CLSTN2: variants seen among roughly 807,000 people sequenced by gnomAD.
The protein encoded by CLSTN2 is calsyntenin-2.
Under a neutral mutation model 101.2 loss-of-function variants are expected in CLSTN2, and 48 were observed. The ratio of observed to expected loss-of-function variants is 0.47; its 90% CI spans 0.38 to 0.60. The LOEUF is 0.60. Ranked by LOEUF, CLSTN2 falls within the 20% of genes least tolerant of loss-of-function variation. The probability of loss-of-function intolerance (pLI) is 0.00; values close to 1 mark genes in which losing one functional copy is unlikely to be tolerated. For missense variants in CLSTN2, 1,160 were observed against 1,238.2 expected (o/e 0.94, Z 0.95); for synonymous variants, 481 against 463.6 (o/e 1.04, Z -0.48).
intron 1 of CLSTN2, among the ~76,000 whole-genome samples, chr3:139,984,184 CG>C (rs1306865081): frequency 5.9e-5 from 9 of 152,038 alleles, no homozygotes; most frequent in African/African-American, 2.2e-4. Context: ...ACACCCACTG[CG>C]TGGTAACTGA....
In CLSTN2 at chr3:140,038,471, A is replaced by T. The variant is rs973695845; in HGVS notation, c.109+102988A>T. On this transcript the variant is annotated intron_variant, in intron 1 of 16. Transcript: ENST00000458420. The stretch of plus-strand genomic sequence containing the variant: ...CTTGTCAGATGGACAGATTGTAAAA[A>T]TGTTCTTCCATTCTGTAGGTTGTCT... 1.1e-4 allele frequency among the ~76,000 whole-genome samples: 16 copies of T among 152,040 alleles called. 2 individuals are homozygous for T. Among genetic ancestry groups the T allele is most frequent in the Admixed American group, 9.8e-4 (15 of 15,262 alleles).
At position 140,049,898 on chromosome 3, in the gene CLSTN2, T is replaced by G. The variant is rs941660940; in HGVS notation, c.109+114415T>G. Among the ~76,000 whole-genome samples the G allele has an allele frequency of 5.9e-5, 9 of 152,186 alleles. No homozygotes were observed. In the East Asian group the frequency reaches 1.7e-3, roughly 29 times the overall value. On this transcript the variant is annotated intron_variant, in intron 1 of 16. Coordinates refer to ENST00000458420, the MANE Select transcript of CLSTN2 (RefSeq NM_022131.3). Reference sequence around the variant, plus strand: ...CCCTCCAGATCTCTTCTCTACTTTCTCTATTCTGTTTTGGGCCCCAGGATC... The same window carrying G: ...CCCTCCAGATCTCTTCTCTACTTTCGCTATTCTGTTTTGGGCCCCAGGATC...
In CLSTN2 at chr3:140,445,360, G is replaced by A. The variant is rs182355284; in HGVS notation, c.788-3159G>A. The stretch of plus-strand genomic sequence containing the variant: ...TCTAGACGAGAAAGGGATGCCTGCA[G>A]CCTCTGCTGAATAAAGGGAATCAAT... On this transcript the variant is annotated intron_variant, in intron 5 of 16. Coordinates refer to ENST00000458420, the MANE Select transcript of CLSTN2 (RefSeq NM_022131.3). Among the ~76,000 whole-genome samples the A allele has an allele frequency of 1.8e-4, 28 of 152,324 alleles. No homozygotes were observed. The South Asian group carries it at 2.9e-3, about 16-fold the overall frequency.
At chr3:140,397,410 G>T (rs886888246) in intron 2 of CLSTN2, among the ~76,000 whole-genome samples, 1 of 152,108 alleles carries the variant, frequency 6.6e-6, no homozygotes, top group Non-Finnish European at 1.5e-5. Context: ...TTAAAGATTA[G>T]GTAAAAACGA....
intron 1 of CLSTN2, among the ~76,000 whole-genome samples, chr3:140,060,662 T>A (rs914554539): frequency 3.3e-5 from 5 of 152,164 alleles, no homozygotes; most frequent in Admixed American, 3.3e-4. Flanking sequence ...GAGCCAGCCC[T>A]GTAATGTCTG....
chr3:140,243,803 G>A (rs537255334), intron 2 of CLSTN2, among the ~76,000 whole-genome samples: 1 of 152,318 alleles, frequency 6.6e-6, no homozygotes, highest in East Asian at 1.9e-4. Context: ...ATCTCCAAGT[G>A]ATTTATAAAC....
rs1412697260 is a variant in CLSTN2, at chr3:140,215,896, A to G, written c.232+39823A>G. Among the ~76,000 whole-genome samples, 3 of 152,236 alleles carry G rather than the reference A, an allele frequency of 2.0e-5. No individual in the cohort carries two copies. The East Asian group carries it at 5.8e-4, about 29-fold the overall frequency. On this transcript the variant is annotated intron_variant, in intron 2 of 16. Coordinates refer to ENST00000458420, the MANE Select transcript of CLSTN2 (RefSeq NM_022131.3). ...GTGTATTAGTTTGGGTTTTGTTAAG[A>G]AAGTGGAAACACTAGGTATTTCAAA... is the stretch of plus-strand genomic sequence containing the variant.
intron 2 of CLSTN2, among the ~76,000 whole-genome samples, chr3:140,223,665 T>TG (rs2086294493): frequency 6.6e-6 from 1 of 152,208 alleles, no homozygotes; most frequent in Non-Finnish European, 1.5e-5. Flanking sequence ...CTTCTGATAC[T>TG]CTGTTTCCTG....
rs1042583065 is a variant in CLSTN2 at position 140,009,416 on chromosome 3, T to A, written c.109+73933T>A. Among the ~76,000 whole-genome samples the A allele has an allele frequency of 3.3e-5, 5 of 152,218 alleles. No homozygotes were observed. The East Asian group carries it at 9.6e-4, about 29-fold the overall frequency. On this transcript the variant is annotated intron_variant, in intron 1 of 16. Transcript: ENST00000458420. ...AGAATTTAAAATCACCAATAATCTC[T>A]TCACCCAGAAATAATGAATGTGAGT...
intron 9 of CLSTN2, among the ~76,000 whole-genome samples, chr3:140,534,637 G>C (rs553083349): frequency 6.6e-6 from 1 of 152,272 alleles, no homozygotes; most frequent in East Asian, 1.9e-4. Flanking sequence ...TGTAGCAAGA[G>C]GAAAAGAAAA....
rs1012240547 is a variant in CLSTN2, at chr3:140,524,437, A to G, written c.1345-7887A>G. ...GTGTGTATGTTAGTTCTAACTTACA[A>G]TAAGATTATATGTTCCTTGAGTTAA... On this transcript the variant is annotated intron_variant, in intron 8 of 16. Coordinates refer to ENST00000458420, the MANE Select transcript of CLSTN2 (RefSeq NM_022131.3). Among the ~76,000 whole-genome samples, 3 of 152,248 alleles carry G rather than the reference A, an allele frequency of 2.0e-5. No homozygotes were observed. The South Asian group carries it at 6.2e-4, about 32-fold the overall frequency.
intron 2 of CLSTN2, among the ~76,000 whole-genome samples, chr3:140,360,510 A>C (rs1294851428): frequency 6.6e-6 from 1 of 152,218 alleles, no homozygotes; most frequent in African/African-American, 2.4e-5. Flanking sequence ...CAGATGACTG[A>C]AAAAGTCATT....
At chr3:140,513,579 CTTTCTTTTTTTTT>C (rs1174847386) in intron 8 of CLSTN2, among the ~76,000 whole-genome samples, 1 of 59,520 alleles carries the variant, frequency 1.7e-5, no homozygotes, top group Non-Finnish European at 3.6e-5. Flanking sequence ...CTTTTTTTTT[CTTTCTTTTTTTTT>C]TTTTTTTTGG....
chr3:140,347,149 G>T (rs2087556686), intron 2 of CLSTN2, among the ~76,000 whole-genome samples: 1 of 152,134 alleles, frequency 6.6e-6, no homozygotes, highest in Admixed American at 6.5e-5. Flanking sequence ...TTTCTTGATG[G>T]TTTTCTCAAT....
chr3:140,315,656 G>A (rs1372385880), intron 2 of CLSTN2, among the ~76,000 whole-genome samples: 1 of 152,194 alleles, frequency 6.6e-6, no homozygotes, highest in Non-Finnish European at 1.5e-5. Flanking sequence ...AAAAGGTTCA[G>A]GTGTCCTAGA....
chr3:140,566,100 G>A lies in CLSTN2; in HGVS notation c.2715G>A (p.Glu905=). The A allele has an allele frequency of 2.5e-5, 40 of 1,612,508 alleles. No homozygotes were observed. Among genetic ancestry groups the A allele is most frequent in the Non-Finnish European group, 3.3e-5 (39 of 1,178,564 alleles). The change falls in exon 17 of 17, where the codon GAG becomes GAA. Residue 905 remains glutamate, a synonymous_variant. Coordinates refer to ENST00000458420, the MANE Select transcript of CLSTN2 (RefSeq NM_022131.3). ...GGGAAGATGAGACTGAGGGAGAAGA[G>A]GAGGAAGAAGCCGAGGAAGAAATGA... ...GHGEDETEGE[E]EEEAEEEMSS...
chr3:140,400,522 G>T (rs758263314), intron 2 of CLSTN2, among the ~76,000 whole-genome samples: 17 of 152,172 alleles, frequency 1.1e-4, no homozygotes, highest in Non-Finnish European at 1.9e-4. Flanking sequence ...AACATAATGA[G>T]ACCTCCATCT....
rs1935008784 is a variant in CLSTN2 at position 139,935,734 on chromosome 3, G to A, written c.109+251G>A. ...GCAGAAGGCGAGGTCTGGGGAGTAC[G>A]GACAACTTTGAGGGCTGTCTGTGCC... On this transcript the variant is annotated intron_variant, in intron 1 of 16. Transcript: ENST00000458420. The surrounding 1 kb of genome is among the most constrained non-coding windows in gnomAD (Gnocchi z 5.5). 1.3e-5 allele frequency among the ~76,000 whole-genome samples: 2 copies of A among 151,824 alleles called. No homozygotes were observed. The highest frequency in any genetic ancestry group is 6.6e-5 in the Admixed American group (1 of 15,254).
intron 1 of CLSTN2, among the ~76,000 whole-genome samples, chr3:140,024,731 A>G (rs2007384049): frequency 6.6e-6 from 1 of 152,194 alleles, no homozygotes; most frequent in South Asian, 2.1e-4. Flanking sequence ...GAAGGTCCAA[A>G]TCTTGGCTTA....
Sources: gnomAD v4.1 joint callset for allele counts (sites outside exome capture counted in the v4.1 genomes callset) on GRCh38, gnomAD v4.1.1 for gene constraint, Gnocchi (gnomAD v3.1) non-coding constraint, MANE v1.5 for transcripts, NCBI Gene and HGNC (gene_info 2026-07-23, HGNC 2026-07-21) for gene names.